Variants in SCAF8 observed in about 807,000 individuals in gnomAD.
The protein encoded by SCAF8 is SR-related and CTD-associated factor 8.
SCAF8 carries 23 observed loss-of-function variants against 140.5 expected under a neutral mutation model. That is an observed-to-expected ratio of 0.16 (90% CI 0.12 to 0.23). The LOEUF (loss-of-function observed/expected upper bound fraction) is 0.23, where lower values mean the gene tolerates loss of function less well. Ranked by LOEUF, SCAF8 falls within the 10% of genes least tolerant of loss-of-function variation. SCAF8 has a pLI of 1.00. For missense variants in SCAF8, 1,397 were observed against 1,555.7 expected (o/e 0.90, Z 1.72); for synonymous variants, 575 against 528.9 (o/e 1.09, Z -1.20).
chr6:154,788,116 G>A (rs1777307282), intron 4 of SCAF8, 94 bp downstream of exon 4: 4 of 1,051,074 alleles, frequency 3.8e-6, no homozygotes, highest in South Asian at 1.6e-5. Flanking sequence ...GTACAGTCAT[G>A]TGCCACATAA....
intron 18 of SCAF8, among the ~76,000 whole-genome samples, chr6:154,830,156 A>G (rs919795029): frequency 1.8e-4 from 27 of 152,292 alleles, no homozygotes; most frequent in African/African-American, 4.8e-4. Flanking sequence ...TTGCTGTCTC[A>G]TTTAATTCTC....
At chr6:154,829,976 TC>T (rs1225701183) in intron 18 of SCAF8, among the ~76,000 whole-genome samples, 1 of 152,222 alleles carries the variant, frequency 6.6e-6, no homozygotes, top group Non-Finnish European at 1.5e-5. Flanking sequence ...GTTTATTCTT[TC>T]TGAAAATTAG....
At chr6:154,763,282 A>G (rs535072088) in intron 1 of SCAF8, among the ~76,000 whole-genome samples, 1 of 152,318 alleles carries the variant, frequency 6.6e-6, no homozygotes, top group African/African-American at 2.4e-5. Context: ...AATTCAAAGT[A>G]TGAAGATTGT....
intron 3 of SCAF8, 113 bp downstream of exon 3, chr6:154,778,158 AT>A (rs1776970004): frequency 1.7e-6 from 1 of 588,500 alleles, no homozygotes; most frequent in South Asian, 2.2e-5. Flanking sequence ...TTAAAAAGTG[AT>A]TCCAGTTATT....
intron 6 of SCAF8, 64 bp downstream of exon 6, chr6:154,795,203 T>TTG: frequency 2.2e-6 from 3 of 1,370,484 alleles, no homozygotes; most frequent in Non-Finnish European, 3.0e-6. Flanking sequence ...ATGTATTACT[T>TTG]TGTAACATAC....
Position 154,832,137 on chromosome 6 carries a change from G to T in SCAF8, c.2558G>T (p.Gly853Val). The change falls in exon 20 of 20, where the codon GGA becomes GTA. Residue 853 changes from glycine (G) to valine (V), a missense_variant. Physicochemically the swap from Gly to Val is moderately radical, Grantham distance 109. Coordinates refer to ENST00000367178, the MANE Select transcript of SCAF8 (RefSeq NM_014892.5). ...CCACCAAATATTCTAAATAACTCTGGAATATTGGGAATACAGCCACCCAGT... is the reference window on the plus strand; with the variant it reads ...CCACCAAATATTCTAAATAACTCTGTAATATTGGGAATACAGCCACCCAGT... ...AQPPNILNNS[G>V]ILGIQPPSVS... The T allele has an allele frequency of 6.2e-7, 1 of 1,613,970 alleles. No homozygotes were observed.
chr6:154,824,302 T>C lies in SCAF8; in HGVS notation c.1995T>C (p.Val665=), dbSNP rs41292928. ...CAGCATTTCCTGTGTCGATGCCGGT[T>C]CCTCCTCCTGGATTCAGTCCAATCC... ...VPPAFPVSMP[V]PPPGFSPIPP... Residue 665 remains valine (V), a synonymous_variant, in exon 17 of 20, where the codon GTT becomes GTC. Coordinates refer to ENST00000367178, the MANE Select transcript of SCAF8 (RefSeq NM_014892.5). 20,978 of 1,613,944 alleles carry C rather than the reference T, an allele frequency of 0.013. 184 individuals carry two copies. Among genetic ancestry groups the C allele is most frequent in the Non-Finnish European group, 0.015 (17,827 of 1,179,828 alleles).
chr6:154,763,028 T>C (rs547196534), intron 1 of SCAF8, among the ~76,000 whole-genome samples: 3 of 152,300 alleles, frequency 2.0e-5, no homozygotes, highest in African/African-American at 7.2e-5. Context: ...TGATAAAGTG[T>C]TTTCCTCCTT....
chr6:154,795,171 T>C (rs771385993), intron 6 of SCAF8, 32 bp downstream of exon 6: 10 of 1,568,674 alleles, frequency 6.4e-6, no homozygotes, highest in Non-Finnish European at 8.6e-6. Flanking sequence ...TCAAGAATAA[T>C]TTAGAATTTA....
At chr6:154,822,156 A>T in intron 15 of SCAF8, 120 bp from the exon 16 acceptor site, 1 of 1,012,118 alleles carries the variant, frequency 9.9e-7, no homozygotes, top group Non-Finnish European at 1.4e-6. Flanking sequence ...ACGGTTGTGG[A>T]TATATCTTAA....
chr6:154,793,061 G>C, intron 5 of SCAF8, 85 bp downstream of exon 5: 1 of 1,112,028 alleles, frequency 9.0e-7, no homozygotes, highest in Non-Finnish European at 1.2e-6. Flanking sequence ...TAATTCGACA[G>C]TGCAGGAAAA....
At chr6:154,814,998 A>G (rs887109062) in intron 12 of SCAF8, among the ~76,000 whole-genome samples, 10 of 152,158 alleles carry the variant, frequency 6.6e-5, no homozygotes, top group African/African-American at 2.4e-4. Context: ...GTACAGAAAG[A>G]CGCTTAAAAG....
intron 1 of SCAF8, among the ~76,000 whole-genome samples, chr6:154,755,346 T>G (rs1234375562): frequency 6.6e-6 from 1 of 152,068 alleles, no homozygotes; most frequent in East Asian, 1.9e-4. Flanking sequence ...CTCCACCTCC[T>G]GGGTTCAAGC....
chr6:154,733,410 T>C, upstream of SCAF8: 1 of 1,394,676 alleles, frequency 7.2e-7, no homozygotes. Flanking sequence ...CCGACTCGAG[T>C]CCGCCATATT....
chr6:154,752,043 C>T (rs551160117), intron 1 of SCAF8, among the ~76,000 whole-genome samples: 1 of 152,304 alleles, frequency 6.6e-6, no homozygotes, highest in East Asian at 1.9e-4. Context: ...AAGTCTATAT[C>T]CTTAATGTAT....
chr6:154,790,489 ATTTTTTTTTTTTTTTTTTTTTTTTT>A (rs57095332), intron 4 of SCAF8, among the ~76,000 whole-genome samples: 1 of 70,802 alleles, frequency 1.4e-5, no homozygotes, highest in Non-Finnish European at 2.6e-5. Flanking sequence ...ATTTAACAGA[ATTTTTTTTTTTTTTTTTTTTTTTTT>A]TTTTTTTTTT....
chr6:154,808,587 A>T, intron 10 of SCAF8, 99 bp from the exon 11 acceptor site: 1 of 767,756 alleles, frequency 1.3e-6, no homozygotes, highest in Non-Finnish European at 2.2e-6. Context: ...ATTAGGCATT[A>T]ATGCTCCCAT....
In SCAF8 at chr6:154,832,813, T is replaced by C. The variant is rs762544724; in HGVS notation, c.3234T>C (p.His1078=). The C allele has an allele frequency of 6.2e-7, 1 of 1,613,966 alleles. No individual in the cohort carries two copies. Among genetic ancestry groups the C allele is most frequent in the South Asian group, 1.1e-5 (1 of 91,068 alleles). ...RENLVRPGID[H]LGRRDHFGFN... The stretch of plus-strand genomic sequence containing the variant: ...ATCTTGTGAGGCCAGGTATAGATCA[T>C]CTTGGTCGAAGAGACCACTTTGGCT... Residue 1078 remains histidine, a synonymous_variant, in exon 20 of 20, where the codon CAT becomes CAC. Coordinates refer to ENST00000367178, the MANE Select transcript of SCAF8 (RefSeq NM_014892.5).
chr6:154,803,837 A>G (rs1462713373), intron 8 of SCAF8, among the ~76,000 whole-genome samples: 1 of 152,176 alleles, frequency 6.6e-6, no homozygotes, highest in Non-Finnish European at 1.5e-5. Context: ...AAAGTTACCT[A>G]TAAGAACATT....
Sources: allele counts gnomAD v4.1 joint callset (sites outside exome capture counted in the v4.1 genomes callset), GRCh38; gene constraint gnomAD v4.1.1; transcripts MANE v1.5; gene names NCBI Gene and HGNC (gene_info 2026-07-23, HGNC 2026-07-21).